CWF19L2: variants seen among roughly 807,000 people sequenced by gnomAD.
The protein encoded by CWF19L2 is CWF19 like cell cycle control factor 2.
Under a neutral mutation model 111.7 loss-of-function variants are expected in CWF19L2, and 98 were observed. The ratio of observed to expected loss-of-function variants is 0.88; its 90% CI spans 0.75 to 1.04. CWF19L2 has a LOEUF of 1.04. CWF19L2 is among the 50% of genes least tolerant of loss of function. The probability of loss-of-function intolerance (pLI) is 0.00; values close to 1 mark genes in which losing one functional copy is unlikely to be tolerated. For missense variants in CWF19L2, 1,101 were observed against 1,051.4 expected, an observed-to-expected ratio of 1.05 and a Z score of -0.65; for synonymous variants, 351 against 342.9, an observed-to-expected ratio of 1.02 and a Z score of -0.26.
rs1432343204 is a variant in CWF19L2 at position 107,368,772 on chromosome 11, T to C, written c.1873-15036A>G. On this transcript the variant is annotated intron_variant, in intron 12 of 17. Transcript: ENST00000282251. ...AAGGAAATATTCCCGAACAGTGTTATAAGCTTTCCTGCCTTTTAAAATATA... is the reference window on the plus strand; with the variant it reads ...AAGGAAATATTCCCGAACAGTGTTACAAGCTTTCCTGCCTTTTAAAATATA... Among the ~76,000 whole-genome samples, 4 of 138,564 alleles carry C rather than the reference T, an allele frequency of 2.9e-5. 1 individual carries two copies. Among genetic ancestry groups the C allele is most frequent in the Non-Finnish European group, 6.2e-5 (4 of 64,400 alleles). 90.9% of individuals were successfully genotyped at this position (138,564 alleles called of 152,430 possible). A position where few individuals can be genotyped will look rare whatever the true frequency, so the allele number is the denominator to read the frequency against.
intron 12 of CWF19L2, among the ~76,000 whole-genome samples, chr11:107,385,500 T>TA: frequency 6.6e-6 from 1 of 152,172 alleles, no homozygotes; most frequent in South Asian, 2.1e-4. Context: ...AAACGTCAAT[T>TA]AAAAAAATCA....
At chr11:107,342,747 C>A (rs923283681) in intron 14 of CWF19L2, among the ~76,000 whole-genome samples, 3 of 152,124 alleles carry the variant, frequency 2.0e-5, no homozygotes, top group African/African-American at 4.8e-5. Flanking sequence ...GCATAAGAGA[C>A]TTTTCAGATA....
intron 17 of CWF19L2, among the ~76,000 whole-genome samples, chr11:107,329,072 A>C (rs1162260943): frequency 6.6e-6 from 1 of 152,162 alleles, no homozygotes; most frequent in Non-Finnish European, 1.5e-5. Flanking sequence ...AGGGAATCCC[A>C]AGCAGAGTTC....
At chr11:107,389,238 G>A (rs1349103039) in intron 12 of CWF19L2, among the ~76,000 whole-genome samples, 1 of 152,178 alleles carries the variant, frequency 6.6e-6, no homozygotes, top group Non-Finnish European at 1.5e-5. Context: ...TTATAGGGTG[G>A]AAGTTGGCCA....
chr11:107,391,129 G>A (rs1009666354), intron 11 of CWF19L2, among the ~76,000 whole-genome samples: 3 of 152,110 alleles, frequency 2.0e-5, no homozygotes, highest in Admixed American at 6.6e-5. Context: ...TGAGGTTTTG[G>A]GACTTGGACT....
At chr11:107,382,272 G>T (rs1245065123) in intron 12 of CWF19L2, among the ~76,000 whole-genome samples, 1 of 152,190 alleles carries the variant, frequency 6.6e-6, no homozygotes, top group Non-Finnish European at 1.5e-5. Flanking sequence ...ATTAAATTTA[G>T]GCAACAGTCA....
chr11:107,445,745 G>C (rs1040095883), intron 3 of CWF19L2, among the ~76,000 whole-genome samples: 1 of 152,008 alleles, frequency 6.6e-6, no homozygotes, highest in Non-Finnish European at 1.5e-5. Flanking sequence ...AATACATTTA[G>C]AGTAATATAA....
At chr11:107,346,779 T>A (rs1860086179) in intron 14 of CWF19L2, among the ~76,000 whole-genome samples, 1 of 152,198 alleles carries the variant, frequency 6.6e-6, no homozygotes, top group South Asian at 2.1e-4. Context: ...TTACTTAATG[T>A]CCGTACATGT....
intron 13 of CWF19L2, among the ~76,000 whole-genome samples, chr11:107,353,179 T>C (rs1378823144): frequency 6.6e-6 from 1 of 152,192 alleles, no homozygotes; most frequent in Admixed American, 6.5e-5. Flanking sequence ...ACTGCCTTAT[T>C]TCACTAGTCA....
In CWF19L2 at chr11:107,370,546, A is replaced by AG. The variant is rs1304690337; in HGVS notation, c.1873-16811dup. On this transcript the variant is annotated intron_variant, in intron 12 of 17. Transcript: ENST00000282251. ...TCTTTCATAAGTGATTGTTTCTTCA[A>AG]GGGAAAAAAAAAAAACAACTGCATG... is the stretch of plus-strand genomic sequence containing the variant. Among the ~76,000 whole-genome samples, 4 of 46,776 alleles carry AG rather than the reference A, an allele frequency of 8.6e-5. 1 individual carries two copies. The highest frequency in any genetic ancestry group is 9.2e-4 in the East Asian group (2 of 2,172). 30.7% of individuals were successfully genotyped at this position (46,776 alleles called of 152,430 possible).
intron 10 of CWF19L2, among the ~76,000 whole-genome samples, chr11:107,402,411 T>C (rs1414790196): frequency 6.8e-6 from 1 of 147,012 alleles, no homozygotes; most frequent in East Asian, 2.0e-4. Context: ...CATCAAAAAG[T>C]GGGCTAAGGA....
chr11:107,396,213 A>T (rs528394070), intron 10 of CWF19L2, among the ~76,000 whole-genome samples: 41 of 152,378 alleles, frequency 2.7e-4, no homozygotes, highest in Middle Eastern at 6.8e-3. Context: ...ATTTATCTCA[A>T]AAGAAACCAG....
intron 14 of CWF19L2, among the ~76,000 whole-genome samples, chr11:107,348,048 C>T (rs1213779923): frequency 1.3e-5 from 2 of 152,174 alleles, no homozygotes; most frequent in Non-Finnish European, 2.9e-5. Flanking sequence ...ATCAAAAAGA[C>T]ATATTCTTAC....
rs749340450 is a variant in CWF19L2 at position 107,428,988 on chromosome 11, C to G, written c.1244G>C (p.Arg415Thr). Residue 415 changes from arginine to threonine, a missense_variant, in exon 8 of 18, where the codon AGA becomes ACA. Coordinates refer to ENST00000282251, the MANE Select transcript of CWF19L2 (RefSeq NM_152434.3). ...FRKPTKNSEE[R>T]LTSWSRSDGR... is the part of the protein sequence containing the mutation. ...ATCAGAGCGACTCCATGATGTTAAT[C>G]TTTCTTCACTGTTCTTGGTGGGTTT... The G allele has an allele frequency of 1.9e-6, 3 of 1,613,718 alleles. No homozygotes were observed. The highest frequency in any genetic ancestry group is 2.2e-5 in the South Asian group (2 of 91,076).
chr11:107,338,084 G>T (rs1014072630), intron 14 of CWF19L2, among the ~76,000 whole-genome samples: 7 of 152,126 alleles, frequency 4.6e-5, no homozygotes, highest in Middle Eastern at 3.4e-3. Context: ...TAGAGATGTG[G>T]TTATGCTATG....
At chr11:107,347,098 A>G (rs1007222443) in intron 14 of CWF19L2, among the ~76,000 whole-genome samples, 45 of 152,218 alleles carry the variant, frequency 3.0e-4, no homozygotes, top group African/African-American at 1.0e-3. Flanking sequence ...AATGATAACA[A>G]TAAATTTAGA....
chr11:107,344,702 T>C (rs200984987), intron 14 of CWF19L2, among the ~76,000 whole-genome samples: 1 of 152,230 alleles, frequency 6.6e-6, no homozygotes, highest in East Asian at 1.9e-4. Context: ...ATCTCTGTTA[T>C]CTTGGTGTTG....
At chr11:107,452,208 C>T (rs1861787696) in intron 3 of CWF19L2, among the ~76,000 whole-genome samples, 1 of 152,122 alleles carries the variant, frequency 6.6e-6, no homozygotes, top group Admixed American at 6.5e-5. Flanking sequence ...AAGCTACTAA[C>T]ACTAGTATTA....
intron 10 of CWF19L2, among the ~76,000 whole-genome samples, chr11:107,408,919 A>T (rs1861118878): frequency 6.6e-6 from 1 of 152,074 alleles, no homozygotes; most frequent in Non-Finnish European, 1.5e-5. Flanking sequence ...TAGAAAATTG[A>T]GAGTGCAAAG....
Sources: allele counts gnomAD v4.1 joint callset (sites outside exome capture counted in the v4.1 genomes callset), GRCh38; gene constraint gnomAD v4.1.1; transcripts MANE v1.5; gene names NCBI Gene and HGNC (gene_info 2026-07-23, HGNC 2026-07-21).